VRK2: variants seen among roughly 807,000 people sequenced by gnomAD.
VRK2 encodes serine/threonine-protein kinase VRK2.
In VRK2, 60 loss-of-function variants were observed where a neutral mutation model predicts 57.6. The observed-to-expected ratio is 1.04, with a 90% CI of 0.85 to 1.29. VRK2 has a LOEUF of 1.29. Among genes scored for constraint, VRK2 ranks in the 50% most tolerant of loss-of-function variants. VRK2 has a pLI of 0.00. For synonymous variants in VRK2, 231 were observed against 199.2 expected, an observed-to-expected ratio of 1.16 and a Z score of -1.35; for missense variants, 705 against 588.1, an observed-to-expected ratio of 1.20 and a Z score of -2.06.
intron 2 of VRK2, among the ~76,000 whole-genome samples, chr2:58,051,845 A>G (rs180901857): frequency 1.3e-5 from 2 of 152,178 alleles, no homozygotes; most frequent in African/African-American, 4.8e-5. Flanking sequence ...AAATAGCTAA[A>G]AGAGTGAAAA....
At chr2:58,006,098 T>C (rs1329344720) in intron 1 of VRK2, among the ~76,000 whole-genome samples, 1 of 152,184 alleles carries the variant, frequency 6.6e-6, no homozygotes, top group Non-Finnish European at 1.5e-5. Flanking sequence ...CCTGAGGGTA[T>C]GTGCTACCCT....
intron 12 of VRK2, among the ~76,000 whole-genome samples, chr2:58,154,308 TTGC>T (rs1447991456): frequency 1.3e-5 from 2 of 150,536 alleles, no homozygotes; most frequent in Non-Finnish European, 2.9e-5. Context: ...ATCTTTCTGC[TTGC>T]TTTGGATTTC....
At chr2:57,985,863 C>T (rs1439476769) in intron 1 of VRK2, among the ~76,000 whole-genome samples, 3 of 151,754 alleles carry the variant, frequency 2.0e-5, no homozygotes, top group Admixed American at 6.6e-5. Context: ...AATGCAAAGT[C>T]AATATGAAAA....
chr2:58,110,482 T>C (rs897279754), intron 7 of VRK2, among the ~76,000 whole-genome samples: 1 of 152,222 alleles, frequency 6.6e-6, no homozygotes, highest in African/African-American at 2.4e-5. Flanking sequence ...CATTCATATC[T>C]GTTAAAAAAT....
chr2:58,156,923 T>C (rs1050222772), intron 12 of VRK2, among the ~76,000 whole-genome samples: 2 of 152,196 alleles, frequency 1.3e-5, no homozygotes, highest in African/African-American at 2.4e-5. Context: ...ATACTGAACA[T>C]TGTGGATGCT....
At chr2:58,062,839 T>C (rs929795168) in intron 2 of VRK2, among the ~76,000 whole-genome samples, 6 of 152,112 alleles carry the variant, frequency 3.9e-5, no homozygotes, top group Non-Finnish European at 8.8e-5. Flanking sequence ...CAGCAAGTTA[T>C]CCAGAAGTTC....
At chr2:58,155,917 GTTTGT>G (rs1211940099) in intron 12 of VRK2, among the ~76,000 whole-genome samples, 1 of 134,388 alleles carries the variant, frequency 7.4e-6, no homozygotes, top group Non-Finnish European at 1.6e-5. Context: ...TGTTTTTCAT[GTTTGT>G]TTTTTTTTTT....
intron 1 of VRK2, among the ~76,000 whole-genome samples, chr2:57,932,994 G>T (rs964915360): frequency 3.3e-5 from 5 of 151,926 alleles, no homozygotes; most frequent in African/African-American, 1.2e-4. Context: ...TTTTATTCCT[G>T]TTATTGATTT....
intron 10 of VRK2, among the ~76,000 whole-genome samples, chr2:58,136,813 A>G (rs931971614): frequency 2.8e-4 from 38 of 133,990 alleles, no homozygotes; most frequent in African/African-American, 9.2e-4. Flanking sequence ...GTGTATATAT[A>G]TCATATATGT....
intron 1 of VRK2, chr2:58,017,902 T>C (rs1673634596): frequency 6.6e-6 from 1 of 152,210 alleles, no homozygotes; most frequent in Non-Finnish European, 1.5e-5. Context: ...GATAATTACG[T>C]GAAAATATTC....
intron 5 of VRK2, 73 bp from the exon 6 acceptor site, chr2:58,088,268 G>C: frequency 8.9e-7 from 1 of 1,119,648 alleles, no homozygotes; most frequent in Non-Finnish European, 1.3e-6. Context: ...AATTTTTCTT[G>C]TTTCAAATTA....
intron 2 of VRK2, among the ~76,000 whole-genome samples, chr2:58,051,691 T>C (rs1219024188): frequency 6.6e-6 from 1 of 152,236 alleles, no homozygotes; most frequent in Non-Finnish European, 1.5e-5. Context: ...TCTAGCTCAT[T>C]GTACATGTAC....
chr2:58,073,747 G>A (rs1375639514), intron 2 of VRK2, among the ~76,000 whole-genome samples: 1 of 151,538 alleles, frequency 6.6e-6, no homozygotes, highest in Non-Finnish European at 1.5e-5. Context: ...TAGGCCATCT[G>A]CAAACTGAGG....
intron 8 of VRK2, among the ~76,000 whole-genome samples, chr2:58,126,485 AG>A (rs1385122759): frequency 1.3e-5 from 2 of 152,274 alleles, no homozygotes; most frequent in East Asian, 3.9e-4. Context: ...AGTAGTTGAA[AG>A]GGAAAAAAAT....
intron 1 of VRK2, among the ~76,000 whole-genome samples, chr2:57,917,442 A>C (rs998996377): frequency 1.3e-5 from 2 of 151,394 alleles, no homozygotes. Context: ...TAATATATTC[A>C]TCTGCAAAAT....
intron 2 of VRK2, among the ~76,000 whole-genome samples, chr2:58,077,301 T>G (rs1000300570): frequency 2.6e-5 from 4 of 152,058 alleles, no homozygotes; most frequent in African/African-American, 9.7e-5. Flanking sequence ...CATTGAATCA[T>G]GATTTCCTCC....
At chr2:58,009,267 T>C (rs1673347010) in intron 1 of VRK2, among the ~76,000 whole-genome samples, 1 of 152,016 alleles carries the variant, frequency 6.6e-6, no homozygotes, top group African/African-American at 2.4e-5. Flanking sequence ...TAACTGGACA[T>C]ATGATATATC....
chr2:58,031,437 T>A (rs151183380), intron 2 of VRK2, among the ~76,000 whole-genome samples: 1 of 152,168 alleles, frequency 6.6e-6, no homozygotes, highest in East Asian at 1.9e-4. Flanking sequence ...AGAGTATGAC[T>A]GTTAATCTCC....
chr2:58,084,151 C>T lies in VRK2; in HGVS notation c.186+13C>T. 3 of 1,597,042 alleles carry T rather than the reference C, an allele frequency of 1.9e-6. No individual in the cohort carries two copies. The highest frequency in any genetic ancestry group is 2.6e-6 in the Non-Finnish European group (3 of 1,169,864). ...TGTAGTAAAAGTGGTAAGTGTTGCT[C>T]ATAGATTTGTATTTCACATATATTT... On this transcript the variant is annotated intron_variant, in intron 3 of 12. Coordinates refer to ENST00000340157, the MANE Select transcript of VRK2 (RefSeq NM_006296.7).
Sources: allele counts gnomAD v4.1 joint callset (sites outside exome capture counted in the v4.1 genomes callset), GRCh38; gene constraint gnomAD v4.1.1; transcripts MANE v1.5; gene names NCBI Gene and HGNC (gene_info 2026-07-23, HGNC 2026-07-21).